The following DLG2 variants were observed in gnomAD, a reference collection of about 807,000 sequenced individuals.
DLG2 encodes the protein disks large homolog 2.
A neutral mutation model predicts 132.5 loss-of-function variants in DLG2; 45 were observed. That is an observed-to-expected ratio of 0.34 (90% CI 0.27 to 0.44). The LOEUF is 0.44. DLG2 is among the 20% of genes least tolerant of loss of function. The pLI, the probability that DLG2 is intolerant of heterozygous loss-of-function variation, is 1.00. For synonymous variants in DLG2, 424 were observed against 419.6 expected, an observed-to-expected ratio of 1.01 and a Z score of -0.13; for missense variants, 1,045 against 1,196.9, an observed-to-expected ratio of 0.87 and a Z score of 1.87.
intron 7 of DLG2, among the ~76,000 whole-genome samples, chr11:84,270,296 C>T (rs1164056210): frequency 6.6e-6 from 1 of 152,182 alleles, no homozygotes; most frequent in Non-Finnish European, 1.5e-5. Context: ...AAGAAAAGTT[C>T]TGTGTTGCTG....
rs142718943 is a variant in DLG2 at position 83,459,456 on chromosome 11, A to G, written c.*362T>C. The G allele has an allele frequency of 3.0e-5, 5 of 165,292 alleles. No homozygotes were observed. The highest frequency in any genetic ancestry group is 1.2e-4 in the African/African-American group (5 of 42,028). The allele number at this position is 165,292 out of a possible 1,614,324, so 10.2% of individuals were successfully genotyped here. ...GGCTGATGAGGTTCGAGTGCTGGCA[A>G]TTTTTCTTTAAAGCAAAAGACACAG... is the stretch of plus-strand genomic sequence containing the variant. On this transcript the variant is annotated 3_prime_UTR_variant, in exon 28 of 28. Coordinates refer to ENST00000376104, the MANE Select transcript of DLG2 (RefSeq NM_001142699.3).
At chr11:85,097,978 A>C (rs563719415) in intron 6 of DLG2, among the ~76,000 whole-genome samples, 2 of 152,350 alleles carry the variant, frequency 1.3e-5, no homozygotes, top group South Asian at 4.1e-4. Flanking sequence ...ACATACATGA[A>C]AGGAAAGCCA....
intron 11 of DLG2, among the ~76,000 whole-genome samples, chr11:84,020,347 T>C (rs2095354799): frequency 6.6e-6 from 1 of 152,186 alleles, no homozygotes; most frequent in Middle Eastern, 3.2e-3. Flanking sequence ...TATGTGTGTA[T>C]ATATATTCAT....
At chr11:84,182,181 C>T (rs1192133930) in intron 8 of DLG2, among the ~76,000 whole-genome samples, 1 of 152,106 alleles carries the variant, frequency 6.6e-6, no homozygotes, top group African/African-American at 2.4e-5. Context: ...CTGTTCTTAA[C>T]ACCACAATAT....
intron 3 of DLG2, among the ~76,000 whole-genome samples, chr11:85,447,021 A>C (rs2092041487): frequency 6.6e-6 from 1 of 152,158 alleles, no homozygotes; most frequent in Non-Finnish European, 1.5e-5. Context: ...CATTGGTCAT[A>C]AGTTGAAAAT....
At position 84,742,526 on chromosome 11, in the gene DLG2, T is replaced by A. The variant is rs558408255; in HGVS notation, c.358-207795A>T. 6.0e-4 allele frequency among the ~76,000 whole-genome samples: 92 copies of A among 152,224 alleles called. 2 individuals are homozygous for A. Among genetic ancestry groups the A allele is most frequent in the Admixed American group, 6.0e-3 (92 of 15,280 alleles). ...AGCAATTTTATATTCAACAACCAAA[T>A]TGAGAGAAAGGTACAGAGATATCCT... On this transcript the variant is annotated intron_variant, in intron 6 of 27. Transcript: ENST00000376104.
At chr11:84,201,049 T>A (rs1447834033) in intron 8 of DLG2, among the ~76,000 whole-genome samples, 1 of 152,180 alleles carries the variant, frequency 6.6e-6, no homozygotes, top group Non-Finnish European at 1.5e-5. Context: ...TGCTTCCAGC[T>A]TTTGCTCATT....
intron 15 of DLG2, among the ~76,000 whole-genome samples, chr11:83,897,536 C>T (rs937840955): frequency 2.6e-5 from 4 of 152,156 alleles, no homozygotes; most frequent in Admixed American, 2.6e-4. Context: ...TGAATCTCTG[C>T]TCTCTAAATA....
chr11:84,700,417 G>T (rs2059101176), intron 6 of DLG2, among the ~76,000 whole-genome samples: 1 of 151,608 alleles, frequency 6.6e-6, no homozygotes, highest in Admixed American at 6.6e-5. Context: ...GAGACATTTT[G>T]AGAACGCTTT....
chr11:84,509,331 T>G (rs545041095), intron 7 of DLG2, among the ~76,000 whole-genome samples: 1 of 152,314 alleles, frequency 6.6e-6, no homozygotes, highest in South Asian at 2.1e-4. Context: ...GAAATTACAA[T>G]CCTCAAGCAA....
At chr11:84,745,215 G>T (rs987567637) in intron 6 of DLG2, among the ~76,000 whole-genome samples, 1 of 152,140 alleles carries the variant, frequency 6.6e-6, no homozygotes, top group Non-Finnish European at 1.5e-5. Context: ...CAAATCTAAT[G>T]TCAAATTGTA....
intron 14 of DLG2, among the ~76,000 whole-genome samples, chr11:83,952,078 C>A (rs2085590243): frequency 6.6e-6 from 1 of 152,172 alleles, no homozygotes; most frequent in Admixed American, 6.5e-5. Flanking sequence ...GGTGTGGTAG[C>A]TCACACCTGT....
intron 6 of DLG2, among the ~76,000 whole-genome samples, chr11:84,799,566 G>C (rs369110073): frequency 6.6e-6 from 1 of 152,192 alleles, no homozygotes; most frequent in East Asian, 1.9e-4. Context: ...CTCTTACGAG[G>C]ACAATCAGTG....
chr11:84,145,231 C>T (rs540966650), intron 9 of DLG2, among the ~76,000 whole-genome samples: 1 of 152,310 alleles, frequency 6.6e-6, no homozygotes, highest in South Asian at 2.1e-4. Context: ...TACCCTTATA[C>T]AGTCATGTGT....
chr11:84,767,453 G>T (rs894098511), intron 6 of DLG2, among the ~76,000 whole-genome samples: 1 of 151,956 alleles, frequency 6.6e-6, no homozygotes, highest in Non-Finnish European at 1.5e-5. Flanking sequence ...ATATAGGATT[G>T]CTATGGGGAT....
intron 5 of DLG2, among the ~76,000 whole-genome samples, chr11:85,138,139 G>T (rs1439578633): frequency 6.6e-6 from 1 of 152,066 alleles, no homozygotes. Context: ...ATATTCAATT[G>T]TATGGACCTA....
intron 6 of DLG2, among the ~76,000 whole-genome samples, chr11:84,581,152 C>T (rs1439047135): frequency 6.6e-6 from 1 of 152,062 alleles, no homozygotes; most frequent in Non-Finnish European, 1.5e-5. Flanking sequence ...ATTGAAGAAC[C>T]ACATAGGCAA....
At chr11:85,300,774 G>A (rs980661717) in intron 3 of DLG2, among the ~76,000 whole-genome samples, 2 of 152,094 alleles carry the variant, frequency 1.3e-5, no homozygotes, top group African/African-American at 4.8e-5. Flanking sequence ...TTTCCCAAAG[G>A]AGGAAGAACA....
intron 6 of DLG2, among the ~76,000 whole-genome samples, chr11:85,087,861 A>AC (rs2068183683): frequency 6.9e-6 from 1 of 145,116 alleles, no homozygotes; most frequent in Non-Finnish European, 1.5e-5. Context: ...AAAAAAAAAA[A>AC]AAAAAAAACA....
Sources: allele counts gnomAD v4.1 joint callset (sites outside exome capture counted in the v4.1 genomes callset), GRCh38; gene constraint gnomAD v4.1.1; transcripts MANE v1.5; gene names NCBI Gene and HGNC (gene_info 2026-07-23, HGNC 2026-07-21).